ADGRB3: variants seen among roughly 807,000 people sequenced by gnomAD.
ADGRB3 encodes the protein brain-specific angiogenesis inhibitor 3.
A neutral mutation model predicts 193.4 loss-of-function variants in ADGRB3; 37 were observed. The ratio of observed to expected loss-of-function variants is 0.19; its 90% CI spans 0.15 to 0.25. The LOEUF (loss-of-function observed/expected upper bound fraction) is 0.25, where lower values mean the gene tolerates loss of function less well. Among genes scored for constraint, ADGRB3 ranks in the 10% least tolerant of loss-of-function variants. ADGRB3 has a pLI of 1.00. For missense variants in ADGRB3, 1,637 were observed against 1,852.9 expected (o/e 0.88, Z 2.14); for synonymous variants, 690 against 644.2 (o/e 1.07, Z -1.08).
intron 17 of ADGRB3, among the ~76,000 whole-genome samples, chr6:69,154,345 T>C (rs1444016662): frequency 6.6e-6 from 1 of 152,178 alleles, no homozygotes; most frequent in Non-Finnish European, 1.5e-5. Context: ...CTTTTGGTTG[T>C]TTCCCACCTC....
At chr6:68,876,347 G>C (rs1765593158) in intron 3 of ADGRB3, among the ~76,000 whole-genome samples, 1 of 152,102 alleles carries the variant, frequency 6.6e-6, no homozygotes, top group Non-Finnish European at 1.5e-5. Flanking sequence ...AGATGATCAG[G>C]CTGTGATTAA....
chr6:69,247,685 T>C (rs908566723), intron 20 of ADGRB3, among the ~76,000 whole-genome samples: 2 of 152,222 alleles, frequency 1.3e-5, no homozygotes, highest in African/African-American at 4.8e-5. Context: ...CACTGTATTG[T>C]GATTCTCAAG....
intron 17 of ADGRB3, among the ~76,000 whole-genome samples, chr6:69,225,843 A>G (rs1473552469): frequency 6.6e-6 from 1 of 152,140 alleles, no homozygotes; most frequent in African/African-American, 2.4e-5. Context: ...CACTGACTGG[A>G]CCCTGAATAA....
At chr6:68,797,090 G>C (rs928925020) in intron 3 of ADGRB3, among the ~76,000 whole-genome samples, 12 of 152,120 alleles carry the variant, frequency 7.9e-5, no homozygotes, top group Non-Finnish European at 1.5e-4. Context: ...CCATGACACG[G>C]AACTGAAGGA....
chr6:68,710,829 T>C (rs1035539421), intron 3 of ADGRB3, among the ~76,000 whole-genome samples: 4 of 152,132 alleles, frequency 2.6e-5, no homozygotes, highest in African/African-American at 4.8e-5. Context: ...TTTACGGGAA[T>C]TGAACTCCTA....
chr6:68,655,007 T>C (rs1478010120), intron 3 of ADGRB3, among the ~76,000 whole-genome samples: 3 of 151,600 alleles, frequency 2.0e-5, no homozygotes, highest in Non-Finnish European at 4.4e-5. Context: ...AATTTAGTTT[T>C]ACATTTCTGA....
chr6:68,739,573 G>A (rs1765937755), intron 3 of ADGRB3, among the ~76,000 whole-genome samples: 1 of 152,072 alleles, frequency 6.6e-6, no homozygotes, highest in African/African-American at 2.4e-5. Flanking sequence ...TAGACATGAT[G>A]GTGAGAGCCT....
chr6:68,913,094 G>C (rs559091620), intron 3 of ADGRB3, among the ~76,000 whole-genome samples: 1 of 152,330 alleles, frequency 6.6e-6, no homozygotes, highest in South Asian at 2.1e-4. Flanking sequence ...GCCTGCCTCT[G>C]TAGGCTCCAC....
At chr6:68,640,698 A>G (rs541371447) in intron 3 of ADGRB3, among the ~76,000 whole-genome samples, 1 of 152,256 alleles carries the variant, frequency 6.6e-6, no homozygotes, top group Non-Finnish European at 1.5e-5. Context: ...TTGTTGGAGA[A>G]TTTTCTTTAA....
At chr6:69,311,875 T>C in intron 20 of ADGRB3, among the ~76,000 whole-genome samples, 1 of 151,856 alleles carries the variant, frequency 6.6e-6, no homozygotes, top group African/African-American at 2.4e-5. Flanking sequence ...CATGTTTTAA[T>C]ATTTCCCATT....
intron 20 of ADGRB3, among the ~76,000 whole-genome samples, chr6:69,275,017 C>T (rs376476285): frequency 1.8e-4 from 28 of 152,184 alleles, no homozygotes; most frequent in African/African-American, 6.7e-4. Flanking sequence ...AATTGTTTGG[C>T]CCCCTACCAC....
At chr6:69,189,466 G>T (rs1020183157) in intron 17 of ADGRB3, among the ~76,000 whole-genome samples, 8 of 152,184 alleles carry the variant, frequency 5.3e-5, no homozygotes, top group African/African-American at 1.9e-4. Context: ...GGCATGAGAA[G>T]ATGGGTAAAC....
In ADGRB3 at chr6:69,327,953, G is replaced by T. The variant is rs544681243; in HGVS notation, c.3035+64G>T. On this transcript the variant is annotated intron_variant, in intron 22 of 31. Coordinates refer to ENST00000370598, the MANE Select transcript of ADGRB3 (RefSeq NM_001704.3). ...AACAAATCATCAAAGAGTCTTGGTT[G>T]GCACTGCTGATGGCTTGCAGTTTAT... 6.3e-6 allele frequency: 9 copies of T among 1,429,568 alleles called. No individual in the cohort carries two copies. The African/African-American group carries it at 1.3e-4, about 20-fold the overall frequency. The allele number at this position is 1,429,568 out of a possible 1,614,324, so 88.6% of individuals were successfully genotyped here.
At chr6:68,671,878 G>A (rs1768970367) in intron 3 of ADGRB3, among the ~76,000 whole-genome samples, 1 of 152,000 alleles carries the variant, frequency 6.6e-6, no homozygotes, top group Non-Finnish European at 1.5e-5. Flanking sequence ...GAATTCAGAA[G>A]TAAAGCCATG....
chr6:68,744,150 A>C (rs1341400520), intron 3 of ADGRB3, among the ~76,000 whole-genome samples: 1 of 152,148 alleles, frequency 6.6e-6, no homozygotes, highest in East Asian at 1.9e-4. Flanking sequence ...AAGAAAACAC[A>C]CATTTTATTT....
At chr6:69,074,787 T>C (rs888875244) in intron 16 of ADGRB3, among the ~76,000 whole-genome samples, 5 of 152,182 alleles carry the variant, frequency 3.3e-5, no homozygotes, top group South Asian at 2.1e-4. Context: ...CCTCGTGATC[T>C]GCCCTCCTTG....
intron 3 of ADGRB3, among the ~76,000 whole-genome samples, chr6:68,892,703 C>G (rs1766112872): frequency 6.6e-6 from 1 of 152,038 alleles, no homozygotes; most frequent in African/African-American, 2.4e-5. Context: ...GAATATGTAA[C>G]TACTAAGCAG....
chr6:69,281,285 A>G (rs1031431487), intron 20 of ADGRB3, among the ~76,000 whole-genome samples: 59 of 152,288 alleles, frequency 3.9e-4, no homozygotes, highest in Admixed American at 3.6e-3. Context: ...TCTTGCCCAC[A>G]TTTATTAGAA....
At chr6:68,896,846 A>G (rs1423824937) in intron 3 of ADGRB3, among the ~76,000 whole-genome samples, 1 of 152,162 alleles carries the variant, frequency 6.6e-6, no homozygotes, top group Non-Finnish European at 1.5e-5. Context: ...TACTCTTTCC[A>G]GGGAGAATTA....
Sources: gnomAD v4.1 joint callset for allele counts (sites outside exome capture counted in the v4.1 genomes callset) on GRCh38, gnomAD v4.1.1 for gene constraint, MANE v1.5 for transcripts, NCBI Gene and HGNC (gene_info 2026-07-23, HGNC 2026-07-21) for gene names.